Variants in SYN2 observed in about 807,000 individuals in gnomAD.
SYN2 encodes the protein synapsin II, also known as synapsin-2.
Under a neutral mutation model 50.9 loss-of-function variants are expected in SYN2, and 19 were observed. The observed-to-expected ratio is 0.37, with a 90% CI of 0.26 to 0.55. SYN2 has a LOEUF of 0.55. Among genes scored for constraint, SYN2 ranks in the 20% least tolerant of loss-of-function variants. The pLI, the probability that SYN2 is intolerant of heterozygous loss-of-function variation, is 0.81. For missense variants in SYN2, 587 were observed against 576.4 expected, an observed-to-expected ratio of 1.02 and a Z score of -0.19; for synonymous variants, 255 against 224.9, an observed-to-expected ratio of 1.13 and a Z score of -1.20.
intron 1 of SYN2, among the ~76,000 whole-genome samples, chr3:12,007,452 CTA>C (rs1396161901): frequency 1.8e-4 from 28 of 152,174 alleles, no homozygotes; most frequent in Non-Finnish European, 4.0e-4. Context: ...TGAAAAGTCT[CTA>C]TGAGTTAAGG....
rs571551648 is a variant in SYN2, at chr3:12,009,913, G to A, written c.377+4985G>A. Among the ~76,000 whole-genome samples the A allele has an allele frequency of 3.2e-4, 48 of 152,176 alleles. 1 individual carries two copies. Among genetic ancestry groups the A allele is most frequent in the African/African-American group, 1.1e-3 (44 of 41,522 alleles). On this transcript the variant is annotated intron_variant, in intron 1 of 12. Coordinates refer to ENST00000621198, the MANE Select transcript of SYN2 (RefSeq NM_133625.6). Reference sequence around the variant, plus strand: ...CTCAGGAGTTCAAGACCAGCAACACGGTGAAACCCCGTCTCTACTAAAATA... The same window carrying A: ...CTCAGGAGTTCAAGACCAGCAACACAGTGAAACCCCGTCTCTACTAAAATA...
chr3:12,113,429 A>G (rs982267498), intron 1 of SYN2, among the ~76,000 whole-genome samples: 5 of 152,156 alleles, frequency 3.3e-5, no homozygotes, highest in African/African-American at 9.7e-5. Flanking sequence ...AGCTATATTT[A>G]CCCCTCCCCA....
At chr3:12,090,115 G>A (rs1210579737) in intron 1 of SYN2, among the ~76,000 whole-genome samples, 1 of 152,134 alleles carries the variant, frequency 6.6e-6, no homozygotes, top group Admixed American at 6.6e-5. Flanking sequence ...TCTGAGACTA[G>A]CAAATTTAAT....
intron 1 of SYN2, chr3:12,071,555 T>A (rs575839365): frequency 2.9e-6 from 1 of 345,310 alleles, no homozygotes; most frequent in African/African-American, 2.1e-5. Context: ...TGACCTTGTA[T>A]TCAAGTTAAC....
At chr3:12,168,288 T>A (rs941894810) in intron 8 of SYN2, 88 bp from the exon 9 acceptor site, 2 of 996,036 alleles carry the variant, frequency 2.0e-6, no homozygotes, top group African/African-American at 3.2e-5. Flanking sequence ...GTGGGAGAGA[T>A]GGAGGCAGCA....
chr3:12,153,499 T>C, intron 5 of SYN2: 2 of 1,612,670 alleles, frequency 1.2e-6, no homozygotes, highest in Non-Finnish European at 8.5e-7. Context: ...AGGGATGTGA[T>C]GGTCACTGGT....
rs758510209 is a variant in SYN2 at position 12,187,547 on chromosome 3, C to G, written c.1548C>G (p.Ser516=). The G allele has an allele frequency of 7.7e-6, 12 of 1,552,212 alleles. No individual in the cohort carries two copies. The highest frequency in any genetic ancestry group is 9.6e-6 in the Non-Finnish European group (11 of 1,147,242). ...GAGATGCACCCTCCAGCAGCAGCTC[C>G]CTGGCAGAGGCCCAGCCACCCCTGG... The part of the protein sequence containing the change: ...THGDAPSSSS[S]LAEAQPPLAA... Residue 516 remains serine (S), a synonymous_variant, in exon 12 of 13, where the codon TCC becomes TCG. Transcript: ENST00000621198.
chr3:12,099,910 A>T (rs2125188175), intron 1 of SYN2, among the ~76,000 whole-genome samples: 1 of 145,382 alleles, frequency 6.9e-6, no homozygotes, highest in Non-Finnish European at 1.5e-5. Context: ...GCTTGCAGTG[A>T]GCCGAGATCG....
At chr3:12,131,329 T>C (rs1321660540) in intron 1 of SYN2, among the ~76,000 whole-genome samples, 2 of 152,208 alleles carry the variant, frequency 1.3e-5, no homozygotes, top group Non-Finnish European at 2.9e-5. Context: ...AACCTGCAGC[T>C]CTGGTGACAG....
intron 5 of SYN2, among the ~76,000 whole-genome samples, chr3:12,154,613 T>A (rs564377052): frequency 6.6e-6 from 1 of 152,156 alleles, no homozygotes; most frequent in Middle Eastern, 3.2e-3. Flanking sequence ...ACTACTATAA[T>A]CTTTCTAGCA....
chr3:12,096,757 AAGTT>A lies in SYN2; in HGVS notation c.378-43890_378-43887del, dbSNP rs144413906. On this transcript the variant is annotated intron_variant, in intron 1 of 12. Coordinates refer to ENST00000621198, the MANE Select transcript of SYN2 (RefSeq NM_133625.6). Reference sequence around the variant, plus strand: ...ATATAGTAGAAGTTTTGCAGTTTAAAAGTTAGTAACAAATGAAAAATTTACTAGA... The same window carrying A: ...ATATAGTAGAAGTTTTGCAGTTTAAAAGTAACAAATGAAAAATTTACTAGA... 2.8e-3 allele frequency among the ~76,000 whole-genome samples: 424 copies of A among 152,278 alleles called. 2 individuals carry two copies. The highest frequency in any genetic ancestry group is 9.8e-3 in the African/African-American group (407 of 41,566).
chr3:12,018,506 C>A (rs1694066916), intron 1 of SYN2, among the ~76,000 whole-genome samples: 1 of 152,106 alleles, frequency 6.6e-6, no homozygotes, highest in Non-Finnish European at 1.5e-5. Context: ...GTTCTTCCAA[C>A]CATTTAATAG....
intron 1 of SYN2, among the ~76,000 whole-genome samples, chr3:12,057,321 G>GTGTGTGTGTGTGTGTGTA (rs1215713756): frequency 5.7e-4 from 85 of 150,090 alleles, no homozygotes; most frequent in African/African-American, 2.0e-3. Flanking sequence ...GTGTGTGTGT[G>GTGTGTGTGTGTGTGTGTA]TGTATACTTT....
intron 1 of SYN2, among the ~76,000 whole-genome samples, chr3:12,044,637 T>A (rs561691348): frequency 1.5e-4 from 23 of 152,310 alleles, no homozygotes; most frequent in South Asian, 8.3e-4. Context: ...TAGGGGTGTA[T>A]GGAGGCACTA....
intron 7 of SYN2, among the ~76,000 whole-genome samples, chr3:12,165,052 T>C (rs1697749352): frequency 6.9e-6 from 1 of 144,804 alleles, no homozygotes; most frequent in Non-Finnish European, 1.5e-5. Context: ...AGTGGTGCAA[T>C]CTCAGCTCAC....
intron 1 of SYN2, among the ~76,000 whole-genome samples, chr3:12,018,952 C>T (rs986096686): frequency 2.6e-5 from 4 of 152,152 alleles, no homozygotes; most frequent in African/African-American, 7.2e-5. Flanking sequence ...AATAGGTTTT[C>T]TCAAGTATCA....
In SYN2 at chr3:12,154,824, AG is replaced by A. The variant is rs375279593; in HGVS notation, c.774+3499del. 3.5e-4 allele frequency among the ~76,000 whole-genome samples: 53 copies of A among 152,264 alleles called. No homozygotes were observed. In the East Asian group the frequency reaches 8.9e-3, roughly 26 times the overall value. On this transcript the variant is annotated intron_variant, in intron 5 of 12. Transcript: ENST00000621198. ...CTCAGCTGGAAGATGAAAATTATAA[AG>A]TTGTCAGATTAAATGAGAGATTGTC...
At position 12,024,779 on chromosome 3, in the gene SYN2, T is replaced by C. The variant is rs545457399; in HGVS notation, c.377+19851T>C. 5.3e-5 allele frequency among the ~76,000 whole-genome samples: 8 copies of C among 152,336 alleles called. No individual in the cohort carries two copies. The South Asian group carries it at 1.7e-3, about 32-fold the overall frequency. ...ACATGATGTTGGTGATTATAAGCTC[T>C]TATTCCTGCTGGGTGTGTACCCAGG... On this transcript the variant is annotated intron_variant, in intron 1 of 12. Coordinates refer to ENST00000621198, the MANE Select transcript of SYN2 (RefSeq NM_133625.6).
At chr3:12,159,007 C>T (rs1320107925) in intron 5 of SYN2, 8 of 985,700 alleles carry the variant, frequency 8.1e-6, no homozygotes, top group Non-Finnish European at 9.9e-6. Context: ...AGGCCACCCG[C>T]GGAGGCAGGA....
Sources: gnomAD v4.1 joint callset for allele counts (sites outside exome capture counted in the v4.1 genomes callset) on GRCh38, gnomAD v4.1.1 for gene constraint, MANE v1.5 for transcripts, NCBI Gene and HGNC (gene_info 2026-07-23, HGNC 2026-07-21) for gene names.